NCKAP5: variants seen among roughly 807,000 people sequenced by gnomAD.
NCKAP5 encodes NCK associated protein 5.
Under a neutral mutation model 167.0 loss-of-function variants are expected in NCKAP5, and 92 were observed. The ratio of observed to expected loss-of-function variants is 0.55; its 90% CI spans 0.47 to 0.66. The LOEUF (loss-of-function observed/expected upper bound fraction) is 0.66. NCKAP5 is among the 30% of genes least tolerant of loss of function. NCKAP5 has a pLI of 0.00. For synonymous variants in NCKAP5, 891 were observed against 877.4 expected (o/e 1.02, Z -0.27); for missense variants, 2,378 against 2,315.0 (o/e 1.03, Z -0.56).
intron 3 of NCKAP5, among the ~76,000 whole-genome samples, chr2:133,304,163 C>T (rs919617888): frequency 1.5e-4 from 23 of 152,136 alleles, no homozygotes; most frequent in Admixed American, 9.2e-4. Flanking sequence ...AAATGCTATA[C>T]ATAATATACT....
chr2:133,243,235 T>G (rs962045507), intron 4 of NCKAP5, among the ~76,000 whole-genome samples: 5 of 152,174 alleles, frequency 3.3e-5, no homozygotes, highest in Non-Finnish European at 5.9e-5. Flanking sequence ...AAGTTGTACC[T>G]AGAGAGAACC....
intron 5 of NCKAP5, among the ~76,000 whole-genome samples, chr2:133,156,449 C>CA (rs1559202802): frequency 6.6e-6 from 1 of 152,044 alleles, no homozygotes; most frequent in East Asian, 1.9e-4. Flanking sequence ...CCAGGTAGCC[C>CA]AAAAATATGT....
At chr2:133,438,949 G>A (rs936919563) in intron 3 of NCKAP5, among the ~76,000 whole-genome samples, 1 of 152,226 alleles carries the variant, frequency 6.6e-6, no homozygotes, top group Non-Finnish European at 1.5e-5. Flanking sequence ...ACACAGAAGT[G>A]TGGAAATGAA....
the NCKAP5 span, among the ~76,000 whole-genome samples, chr2:133,632,947 T>C: frequency 2.0e-5 from 3 of 152,212 alleles, no homozygotes; most frequent in Admixed American, 1.3e-4. Flanking sequence ...TAAGTTTATA[T>C]AATGCCAGCT....
chr2:133,473,137 T>G (rs1330195955), intron 3 of NCKAP5, among the ~76,000 whole-genome samples: 1 of 151,944 alleles, frequency 6.6e-6, no homozygotes, highest in Non-Finnish European at 1.5e-5. Context: ...ATCGAGACCA[T>G]CCTGGCCAAG....
intron 4 of NCKAP5, among the ~76,000 whole-genome samples, chr2:133,225,287 T>G (rs2086833227): frequency 6.6e-6 from 1 of 152,230 alleles, no homozygotes; most frequent in Admixed American, 6.5e-5. Context: ...TAAGGAGCAT[T>G]ACATACCTGT....
intron 2 of NCKAP5, among the ~76,000 whole-genome samples, chr2:133,527,727 T>G (rs1471561063): frequency 6.6e-6 from 1 of 152,146 alleles, no homozygotes; most frequent in Non-Finnish European, 1.5e-5. Context: ...AAATTGAGAC[T>G]GATATTCATT....
intron 4 of NCKAP5, among the ~76,000 whole-genome samples, chr2:133,257,751 G>A (rs907987343): frequency 1.3e-4 from 20 of 152,182 alleles, no homozygotes; most frequent in Admixed American, 5.2e-4. Flanking sequence ...AGACCAGAGA[G>A]ACAAATGAAG....
chr2:133,332,879 A>T (rs1387588602), intron 3 of NCKAP5, among the ~76,000 whole-genome samples: 1 of 152,232 alleles, frequency 6.6e-6, no homozygotes, highest in Non-Finnish European at 1.5e-5. Context: ...GCAGGGTTAG[A>T]CACCAGAGCT....
rs540551322 is a variant in NCKAP5, at chr2:133,336,735, G to A, written c.70-33625C>T. 2.6e-5 allele frequency among the ~76,000 whole-genome samples: 4 copies of A among 152,308 alleles called. No individual in the cohort carries two copies. The East Asian group carries it at 7.7e-4, about 29-fold the overall frequency. On this transcript the variant is annotated intron_variant, in intron 3 of 19. Transcript: ENST00000409261. ...GAAATTTTGAATACATTCCCTATCT[G>A]AGTCTGAAACAGCTCATTTGTAAAA...
chr2:132,788,748 A>G (rs571986017), intron 13 of NCKAP5, among the ~76,000 whole-genome samples: 1 of 152,326 alleles, frequency 6.6e-6, no homozygotes, highest in Non-Finnish European at 1.5e-5. Flanking sequence ...TGTGAGCTCA[A>G]AAAGCACAAT....
intron 6 of NCKAP5, among the ~76,000 whole-genome samples, chr2:133,050,035 G>A (rs2079548539): frequency 6.6e-6 from 1 of 152,166 alleles, no homozygotes; most frequent in Non-Finnish European, 1.5e-5. Context: ...GAAGGGAGGT[G>A]GTCATCACCT....
At chr2:132,836,766 A>AC in intron 11 of NCKAP5, among the ~76,000 whole-genome samples, 1 of 151,340 alleles carries the variant, frequency 6.6e-6, no homozygotes, top group Admixed American at 6.6e-5. Flanking sequence ...CTTATTTTCC[A>AC]CCCCCTAGAG....
At chr2:132,892,908 C>A (rs1187773164) in intron 8 of NCKAP5, among the ~76,000 whole-genome samples, 1 of 150,778 alleles carries the variant, frequency 6.6e-6, no homozygotes, top group African/African-American at 2.4e-5. Context: ...TGAACCCTCT[C>A]TACCAAGAAG....
chr2:133,079,175 T>A (rs2080717842), intron 6 of NCKAP5, among the ~76,000 whole-genome samples: 1 of 152,164 alleles, frequency 6.6e-6, no homozygotes, highest in East Asian at 1.9e-4. Context: ...CACATTCATA[T>A]CTTTTGTCCT....
chr2:132,781,842 C>T (rs562394153), intron 14 of NCKAP5, 98 bp downstream of exon 14: 1 of 1,154,178 alleles, frequency 8.7e-7, no homozygotes, highest in South Asian at 1.6e-5. Flanking sequence ...TATGAAAAAA[C>T]ATGCTTGACT....
chr2:132,890,745 C>T (rs777789416), intron 8 of NCKAP5, among the ~76,000 whole-genome samples: 2 of 152,144 alleles, frequency 1.3e-5, no homozygotes, highest in Non-Finnish European at 2.9e-5. Context: ...GCCATAGTGG[C>T]CATATGTGTA....
At position 133,061,078 on chromosome 2, in the gene NCKAP5, AAACAAC is replaced by A. The variant is rs71398583; in HGVS notation, c.342-66845_342-66840del. Among the ~76,000 whole-genome samples, 4 of 151,422 alleles carry A rather than the reference AAACAAC, an allele frequency of 2.6e-5. 1 individual carries two copies. In the South Asian group the frequency reaches 6.2e-4, roughly 24 times the overall value. On this transcript the variant is annotated intron_variant, in intron 6 of 19. Coordinates refer to ENST00000409261, the MANE Select transcript of NCKAP5 (RefSeq NM_207363.3). The stretch of plus-strand genomic sequence containing the variant: ...ATCCCAAAATATTAAAAAAAAAACA[AAACAAC>A]AACAACAAAAAAACCTATTTATATA...
the NCKAP5 span, among the ~76,000 whole-genome samples, chr2:133,599,965 A>G: frequency 1.3e-5 from 2 of 152,250 alleles, no homozygotes; most frequent in African/African-American, 4.8e-5. Flanking sequence ...AGCGAATGCC[A>G]AAAGATTTCT....
Sources: allele counts gnomAD v4.1 joint callset (sites outside exome capture counted in the v4.1 genomes callset), GRCh38; gene constraint gnomAD v4.1.1; transcripts MANE v1.5; gene names NCBI Gene and HGNC (gene_info 2026-07-23, HGNC 2026-07-21).